Variants in RYR2 observed in about 807,000 individuals in gnomAD.
The protein encoded by RYR2 is cardiac muscle ryanodine receptor-calcium release channel.
In RYR2, 227 loss-of-function variants were observed where a neutral mutation model predicts 601.1. The ratio of observed to expected loss-of-function variants is 0.38; its 90% CI spans 0.34 to 0.42. The LOEUF is 0.42. RYR2 is among the 10% of genes least tolerant of loss of function. The pLI is 1.00. For synonymous variants in RYR2, 2,223 were observed against 2,175.1 expected (o/e 1.02, Z -0.61); for missense variants, 4,646 against 6,156.5 (o/e 0.75, Z 8.21).
chr1:237,302,612 G>C (rs1298088641), intron 2 of RYR2, among the ~76,000 whole-genome samples: 1 of 152,118 alleles, frequency 6.6e-6, no homozygotes, highest in Non-Finnish European at 1.5e-5. Context: ...TTCATTTTAG[G>C]TTGGCTCTTA....
rs1342010319 is a variant in RYR2 at position 237,110,005 on chromosome 1, A to C, written c.48+67436A>C. On this transcript the variant is annotated intron_variant, in intron 1 of 104. Transcript: ENST00000366574. Reference sequence around the variant, plus strand: ...TTGTACCCCCTATGCTAAGCTGTGAAATTCTAATCCCCCGGCCCCACTTTC... The same window carrying C: ...TTGTACCCCCTATGCTAAGCTGTGACATTCTAATCCCCCGGCCCCACTTTC... 2.0e-5 allele frequency among the ~76,000 whole-genome samples: 3 copies of C among 152,044 alleles called. No homozygotes were observed. The East Asian group carries it at 5.8e-4, about 30-fold the overall frequency.
intron 3 of RYR2, among the ~76,000 whole-genome samples, chr1:237,343,974 C>T (rs181712752): frequency 2.8e-4 from 42 of 152,210 alleles, no homozygotes; most frequent in Non-Finnish European, 1.6e-4. Flanking sequence ...GCACCCACCA[C>T]CACGCCTGGC....
At chr1:237,255,115 G>A (rs1052747625) in intron 1 of RYR2, among the ~76,000 whole-genome samples, 2 of 152,158 alleles carry the variant, frequency 1.3e-5, no homozygotes, top group Admixed American at 6.5e-5. Context: ...TGCCAACTGG[G>A]AAATTCAGAT....
intron 58 of RYR2, among the ~76,000 whole-genome samples, chr1:237,670,161 C>A (rs1054843749): frequency 1.3e-5 from 2 of 151,716 alleles, no homozygotes; most frequent in East Asian, 3.9e-4. Flanking sequence ...TGGCGGCGCG[C>A]GCCTGCAATC....
intron 54 of RYR2, 138 bp downstream of exon 54, chr1:237,658,160 G>T: frequency 2.2e-6 from 1 of 448,516 alleles, no homozygotes; most frequent in East Asian, 3.9e-5. Flanking sequence ...ATTACAATTA[G>T]CTTATATAAT....
At chr1:237,427,782 C>CAAAAAAAA (rs57614793) in intron 12 of RYR2, among the ~76,000 whole-genome samples, 3 of 56,192 alleles carry the variant, frequency 5.3e-5, no homozygotes, top group Non-Finnish European at 6.2e-5. Flanking sequence ...GACTCTGCCT[C>CAAAAAAAA]AAAAAAAAAA....
At chr1:237,526,364 C>G (rs1667593242) in intron 24 of RYR2, among the ~76,000 whole-genome samples, 1 of 143,806 alleles carries the variant, frequency 7.0e-6, no homozygotes, top group Non-Finnish European at 1.5e-5. Flanking sequence ...TTTTTTTTTT[C>G]AGGACCAGAG....
intron 63 of RYR2, among the ~76,000 whole-genome samples, chr1:237,698,268 C>G (rs1365397826): frequency 6.6e-6 from 1 of 151,932 alleles, no homozygotes; most frequent in Non-Finnish European, 1.5e-5. Context: ...ATATGTAATG[C>G]TTTTATCACT....
At chr1:237,380,827 C>T (rs1701445534) in intron 8 of RYR2, among the ~76,000 whole-genome samples, 1 of 151,898 alleles carries the variant, frequency 6.6e-6, no homozygotes, top group Admixed American at 6.6e-5. Flanking sequence ...CCTGTAATCC[C>T]AACACTCTGG....
intron 25 of RYR2, among the ~76,000 whole-genome samples, chr1:237,533,666 G>C (rs1445025551): frequency 6.6e-6 from 1 of 152,028 alleles, no homozygotes; most frequent in Non-Finnish European, 1.5e-5. Flanking sequence ...CATCTTTGAG[G>C]CTCAAAAGCA....
chr1:237,612,012 G>A (rs1399269808), intron 36 of RYR2, among the ~76,000 whole-genome samples: 1 of 151,712 alleles, frequency 6.6e-6, no homozygotes, highest in Non-Finnish European at 1.5e-5. Context: ...TAAAAGAAAG[G>A]GAACCCCAAA....
In RYR2 at chr1:237,377,311, G is replaced by A. The variant is rs766779504; in HGVS notation, c.464-12G>A. 1.8e-5 allele frequency: 29 copies of A among 1,590,620 alleles called. No homozygotes were observed. The highest frequency in any genetic ancestry group is 9.0e-5 in the East Asian group (4 of 44,546). ...GAACTTTTTCATGTTTCACATATCC[G>A]TATATCTGCAGGGGAGGCTTGTTGG... On this transcript the variant is annotated splice_polypyrimidine_tract_variant and intron_variant, in intron 7 of 104. Coordinates refer to ENST00000366574, the MANE Select transcript of RYR2 (RefSeq NM_001035.3).
chr1:237,061,893 C>A (rs541061364), intron 1 of RYR2, among the ~76,000 whole-genome samples: 76 of 152,026 alleles, frequency 5.0e-4, no homozygotes, highest in Admixed American at 5.0e-3. Flanking sequence ...ATATTTAGGT[C>A]TGTGCTCTTA....
chr1:237,448,703 G>A (rs1049044323), intron 14 of RYR2, among the ~76,000 whole-genome samples: 3 of 151,930 alleles, frequency 2.0e-5, no homozygotes, highest in Non-Finnish European at 4.4e-5. Flanking sequence ...TTCTTTTGAT[G>A]AACTGACCCC....
intron 25 of RYR2, among the ~76,000 whole-genome samples, chr1:237,536,909 A>G (rs950795210): frequency 6.6e-6 from 1 of 152,006 alleles, no homozygotes; most frequent in Admixed American, 6.6e-5. Context: ...TTGCAGAACA[A>G]TATCAAGAAC....
chr1:237,608,022 A>G (rs1399944204), intron 35 of RYR2, among the ~76,000 whole-genome samples: 1 of 152,220 alleles, frequency 6.6e-6, no homozygotes. Context: ...CTATATACAC[A>G]TATGTATACA....
At chr1:237,786,204 C>A (rs983390057) in intron 91 of RYR2, among the ~76,000 whole-genome samples, 168 bp downstream of exon 91, 9 of 152,148 alleles carry the variant, frequency 5.9e-5, no homozygotes, top group Non-Finnish European at 1.0e-4. Flanking sequence ...GACCTCAGGC[C>A]ATGGGCAGGG....
In RYR2 at chr1:237,584,660, T is replaced by TTTTTTG. The variant is rs1559066834; in HGVS notation, c.3599-5128_3599-5127insGTTTTT. Reference sequence around the variant, plus strand: ...CCAGCTCACCACCTGTTTTTTTTTTTTTTTTTTTTTTTTGAGACAGGGTCT... The same window carrying TTTTTTG: ...CCAGCTCACCACCTGTTTTTTTTTTTTTTTTGTTTTTTTTTTTTTGAGACAGGGTCT... On this transcript the variant is annotated intron_variant, in intron 29 of 104. Coordinates refer to ENST00000366574, the MANE Select transcript of RYR2 (RefSeq NM_001035.3). Among the ~76,000 whole-genome samples the TTTTTTG allele has an allele frequency of 3.6e-5, 5 of 138,624 alleles. No homozygotes were observed. In the East Asian group the frequency reaches 6.2e-4, roughly 17 times the overall value. 90.9% of individuals were successfully genotyped at this position (138,624 alleles called of 152,430 possible). A position where few individuals can be genotyped will look rare whatever the true frequency, so the allele number is the denominator to read the frequency against.
At chr1:237,650,523 A>T (rs1682626106) in intron 50 of RYR2, among the ~76,000 whole-genome samples, 1 of 152,236 alleles carries the variant, frequency 6.6e-6, no homozygotes, top group South Asian at 2.1e-4. Context: ...ATATTAAACC[A>T]TATTTATGTG....
Sources: allele counts gnomAD v4.1 joint callset (sites outside exome capture counted in the v4.1 genomes callset), GRCh38; gene constraint gnomAD v4.1.1; transcripts MANE v1.5; gene names NCBI Gene and HGNC (gene_info 2026-07-23, HGNC 2026-07-21).